Variants in HNF4G observed in about 807,000 individuals in gnomAD.
HNF4G encodes hepatocyte nuclear factor 4 gamma.
Under a neutral mutation model 50.9 loss-of-function variants are expected in HNF4G, and 21 were observed. The observed-to-expected ratio is 0.41, with a 90% CI of 0.29 to 0.59. HNF4G has a LOEUF of 0.59. HNF4G is among the 20% of genes least tolerant of loss of function. HNF4G has a pLI of 0.26. For synonymous variants in HNF4G, 198 were observed against 185.6 expected, an observed-to-expected ratio of 1.07 and a Z score of -0.54; for missense variants, 527 against 559.4, an observed-to-expected ratio of 0.94 and a Z score of 0.58.
intron 2 of HNF4G, among the ~76,000 whole-genome samples, chr8:75,530,047 T>G (rs945396531): frequency 1.3e-5 from 2 of 152,068 alleles, no homozygotes; most frequent in African/African-American, 4.8e-5. Flanking sequence ...ACCTGGGGAC[T>G]TGTGCCACAG....
intron 1 of HNF4G, among the ~76,000 whole-genome samples, chr8:75,417,560 T>G (rs1404330743): frequency 1.3e-5 from 2 of 152,208 alleles, no homozygotes; most frequent in African/African-American, 2.4e-5. Flanking sequence ...AATAAGGTCT[T>G]ATGCTATTAA....
rs116401100 is a variant in HNF4G at position 75,486,877 on chromosome 8, C to T, written c.-143-3212C>T. Among the ~76,000 whole-genome samples the T allele has an allele frequency of 2.0e-3, 301 of 152,200 alleles. 1 individual carries two copies. Among genetic ancestry groups the T allele is most frequent in the African/African-American group, 7.0e-3 (290 of 41,524 alleles). ...ATTAGCTGGGTGTGGTGGCATGTGC[C>T]TGTGGTCTCAGCAATGCGGGAAGCT... On this transcript the variant is annotated intron_variant, in intron 1 of 10. Transcript: ENST00000354370.
chr8:75,530,795 T>TG (rs375531540), intron 2 of HNF4G, among the ~76,000 whole-genome samples: 6 of 19,854 alleles, frequency 3.0e-4, no homozygotes, highest in Non-Finnish European at 4.5e-4. Flanking sequence ...TTCAATGTGC[T>TG]TTTTTTTTTT....
At chr8:75,516,796 A>G (rs1167178815) in intron 2 of HNF4G, among the ~76,000 whole-genome samples, 1 of 152,132 alleles carries the variant, frequency 6.6e-6, no homozygotes, top group African/African-American at 2.4e-5. Context: ...CCCCTTTATC[A>G]TTATATAAGG....
At chr8:75,460,745 A>T (rs1350653380) in intron 1 of HNF4G, among the ~76,000 whole-genome samples, 1 of 152,220 alleles carries the variant, frequency 6.6e-6, no homozygotes, top group Non-Finnish European at 1.5e-5. Context: ...GAGGCTAGAT[A>T]TTAAAGGAGT....
At chr8:75,415,194 G>T (rs1170860130) in intron 1 of HNF4G, among the ~76,000 whole-genome samples, 1 of 152,026 alleles carries the variant, frequency 6.6e-6, no homozygotes, top group Admixed American at 6.6e-5. Context: ...CAAATCCTAT[G>T]CAGTCCCCTT....
intron 2 of HNF4G, among the ~76,000 whole-genome samples, chr8:75,514,010 A>T (rs1246215806): frequency 6.6e-6 from 1 of 151,904 alleles, no homozygotes; most frequent in Non-Finnish European, 1.5e-5. Flanking sequence ...TTAGTTTGCT[A>T]TTTTTTCCTC....
chr8:75,466,659 C>T (rs1216003684), intron 1 of HNF4G, among the ~76,000 whole-genome samples: 1 of 135,322 alleles, frequency 7.4e-6, no homozygotes, highest in Non-Finnish European at 1.6e-5. Context: ...CCTTCCCTTC[C>T]CTTCCCTTCC....
At chr8:75,469,766 T>TTTCTCATCCTTATACCCA (rs1455282038) in intron 1 of HNF4G, among the ~76,000 whole-genome samples, 1 of 152,190 alleles carries the variant, frequency 6.6e-6, no homozygotes, top group Non-Finnish European at 1.5e-5. Flanking sequence ...GTTTTTCTTC[T>TTTCTCATCCTTATACCCA]TTCTCATCCT....
At chr8:75,541,960 C>A (rs759719859) in intron 1 of HNF4G, among the ~76,000 whole-genome samples, 5 of 151,938 alleles carry the variant, frequency 3.3e-5, no homozygotes, top group Non-Finnish European at 5.9e-5. Context: ...CAGACCAATG[C>A]AGAATATACT....
intron 1 of HNF4G, among the ~76,000 whole-genome samples, chr8:75,479,154 C>T (rs1402523958): frequency 6.6e-6 from 1 of 152,182 alleles, no homozygotes; most frequent in Admixed American, 6.5e-5. Context: ...AACTACTACC[C>T]TTATTAAGAG....
chr8:75,416,518 C>T (rs1810638956), intron 1 of HNF4G, among the ~76,000 whole-genome samples: 1 of 152,066 alleles, frequency 6.6e-6, no homozygotes, highest in Non-Finnish European at 1.5e-5. Context: ...CTGAAGTCTA[C>T]TTGCCAGTGT....
At chr8:75,540,133 G>A in intron 1 of HNF4G, 53 bp downstream of exon 1, 1 of 1,054,588 alleles carries the variant, frequency 9.5e-7, no homozygotes, top group Non-Finnish European at 1.5e-6. Context: ...AATTGGAGAA[G>A]GTGGAAGACT....
chr8:75,429,048 A>T (rs1810948852), intron 1 of HNF4G, among the ~76,000 whole-genome samples: 1 of 152,174 alleles, frequency 6.6e-6, no homozygotes, highest in Admixed American at 6.5e-5. Context: ...TGAGGGCAAA[A>T]TATAAGGGAC....
At chr8:75,442,925 A>G (rs1018700664) in intron 1 of HNF4G, among the ~76,000 whole-genome samples, 5 of 152,308 alleles carry the variant, frequency 3.3e-5, no homozygotes, top group South Asian at 2.1e-4. Context: ...GGAATGCTCA[A>G]TCTCACACTC....
At chr8:75,558,700 A>C (rs945818725) in intron 7 of HNF4G, 30 bp downstream of exon 7, 2 of 1,595,724 alleles carry the variant, frequency 1.3e-6, no homozygotes, top group African/African-American at 2.7e-5. Context: ...CTAGAGAATT[A>C]ATATAATAAA....
At position 75,539,875 on chromosome 8, in the gene HNF4G, G is replaced by A. The variant is rs1243639841; in HGVS notation, c.-88G>A. On this transcript the variant is annotated 5_prime_UTR_variant, in exon 1 of 10. Coordinates refer to ENST00000396423, the MANE Select transcript of HNF4G (RefSeq NM_004133.5). ...CTCAGTTACAGTTAACTTTGGATTA[G>A]CACTCACAGATTGAAAGCAAAACAC... The A allele has an allele frequency of 4.5e-6, 3 of 671,040 alleles. No homozygotes were observed. The highest frequency in any genetic ancestry group is 8.2e-6 in the Non-Finnish European group (3 of 366,622). The allele number at this position is 671,040 out of a possible 1,614,324, so 41.6% of individuals were successfully genotyped here.
intron 5 of HNF4G, among the ~76,000 whole-genome samples, chr8:75,554,271 A>G (rs1484149699): frequency 1.3e-5 from 2 of 152,168 alleles, no homozygotes; most frequent in Non-Finnish European, 2.9e-5. Context: ...GGGTTACGTT[A>G]TTTATCAGTT....
At chr8:75,529,381 C>T (rs1441727777) in intron 2 of HNF4G, among the ~76,000 whole-genome samples, 3 of 152,038 alleles carry the variant, frequency 2.0e-5, no homozygotes, top group African/African-American at 7.2e-5. Context: ...TCACCTCCCT[C>T]GACACATGGG....
Sources: allele counts gnomAD v4.1 joint callset (sites outside exome capture counted in the v4.1 genomes callset), GRCh38; gene constraint gnomAD v4.1.1; transcripts MANE v1.5; gene names NCBI Gene and HGNC (gene_info 2026-07-23, HGNC 2026-07-21).